The following ADGRB2 variants were observed in gnomAD, a reference collection of about 807,000 sequenced individuals.
ADGRB2 encodes the protein adhesion G protein-coupled receptor B2.
A neutral mutation model predicts 178.7 loss-of-function variants in ADGRB2; 47 were observed. The ratio of observed to expected loss-of-function variants is 0.26; its 90% CI spans 0.21 to 0.34. The LOEUF is 0.34. Ranked by LOEUF, ADGRB2 falls within the 10% of genes least tolerant of loss-of-function variation. The probability of loss-of-function intolerance (pLI) is 1.00; values close to 1 mark genes in which losing one functional copy is unlikely to be tolerated. For missense variants in ADGRB2, 1,584 were observed against 2,180.8 expected, an observed-to-expected ratio of 0.73 and a Z score of 5.45; for synonymous variants, 870 against 912.4, an observed-to-expected ratio of 0.95 and a Z score of 0.84.
rs535003669 is a variant in ADGRB2 at position 31,732,361 on chromosome 1, C to T, written c.3720+156G>A. Among the ~76,000 whole-genome samples the T allele has an allele frequency of 1.3e-5, 2 of 152,386 alleles. 1 individual carries two copies. Among genetic ancestry groups the T allele is most frequent in the South Asian group, 4.1e-4 (2 of 4,832 alleles). ...GAAAACTGAGTGGGGGAAGGACTTG[C>T]CCAATGCCACCCAGGTGTTAGTGGC... is the stretch of plus-strand genomic sequence containing the variant. On this transcript the variant is annotated intron_variant, in intron 27 of 32. Coordinates refer to ENST00000373658, the MANE Select transcript of ADGRB2 (RefSeq NM_001364857.2).
chr1:31,740,106 G>A lies in ADGRB2; in HGVS notation c.2058+4C>T, dbSNP rs750471100. 1.5e-5 allele frequency: 25 copies of A among 1,614,114 alleles called. No individual in the cohort carries two copies. Among genetic ancestry groups the A allele is most frequent in the South Asian group, 9.9e-5 (9 of 91,084 alleles). ...GAGGAGAAGCTGGCAGCTGTGCCCCGCACCTGCTGAGCATCGTCCCACTTC... is the reference window on the plus strand; with the variant it reads ...GAGGAGAAGCTGGCAGCTGTGCCCCACACCTGCTGAGCATCGTCCCACTTC... On this transcript the variant is annotated splice_donor_region_variant and intron_variant, in intron 13 of 32. Coordinates refer to ENST00000373658, the MANE Select transcript of ADGRB2 (RefSeq NM_001364857.2). This position sits in a 1 kb window ranked among gnomAD's most constrained non-coding sequence, Gnocchi z 5.9.
chr1:31,738,347 A>G, intron 17 of ADGRB2, 21 bp from the exon 18 acceptor site: 2 of 1,608,078 alleles, frequency 1.2e-6, no homozygotes, highest in Non-Finnish European at 1.7e-6. Context: ...GGAGAGATTC[A>G]GTGAGCCCCA....
chr1:31,727,416 G>C lies in ADGRB2; in HGVS notation c.*4C>G. 1 of 1,583,530 alleles carries C rather than the reference G, an allele frequency of 6.3e-7. No individual in the cohort carries two copies. The highest frequency in any genetic ancestry group is 1.2e-5 in the South Asian group (1 of 86,262). ...TATATGCAGTGGGCAGTCCAGCGTG[G>C]CACTCACACCTCTGTCTGGAAGTCA... On this transcript the variant is annotated 3_prime_UTR_variant, in exon 33 of 33. Coordinates refer to ENST00000373658, the MANE Select transcript of ADGRB2 (RefSeq NM_001364857.2). This position sits in a 1 kb window ranked among gnomAD's most constrained non-coding sequence, Gnocchi z 4.4.
rs556310772 is a variant in ADGRB2, at chr1:31,735,902, G to A, written c.3201-9C>T. The stretch of plus-strand genomic sequence containing the variant: ...CCAGGGAGAGCCAGCAGCTGGGGTG[G>A]GGGAGAAGAAGGGTGTCAGACACCC... On this transcript the variant is annotated splice_polypyrimidine_tract_variant and intron_variant, in intron 22 of 32. Coordinates refer to ENST00000373658, the MANE Select transcript of ADGRB2 (RefSeq NM_001364857.2). This position sits in a 1 kb window ranked among gnomAD's most constrained non-coding sequence, Gnocchi z 6.0. The A allele has an allele frequency of 2.5e-6, 4 of 1,583,050 alleles. No individual in the cohort carries two copies. The highest frequency in any genetic ancestry group is 1.7e-4 in the Middle Eastern group (1 of 6,012).
chr1:31,731,424 G>C lies in ADGRB2; in HGVS notation c.3761-5C>G, dbSNP rs1489232052. 1 of 1,576,584 alleles carries C rather than the reference G, an allele frequency of 6.3e-7. No individual in the cohort carries two copies. The highest frequency in any genetic ancestry group is 8.6e-7 in the Non-Finnish European group (1 of 1,158,586). On this transcript the variant is annotated splice_polypyrimidine_tract_variant and splice_region_variant and intron_variant, in intron 28 of 32. Transcript: ENST00000373658. Reference sequence around the variant, plus strand: ...TGTTGACCTCCTTGAACAGCACTGGGGGCAGGAGTGGGAGGGAGGGGGTGA... The same window carrying C: ...TGTTGACCTCCTTGAACAGCACTGGCGGCAGGAGTGGGAGGGAGGGGGTGA...
At chr1:31,762,928 G>T (rs1357529993) in intron 1 of ADGRB2, among the ~76,000 whole-genome samples, 1 of 152,190 alleles carries the variant, frequency 6.6e-6, no homozygotes, top group African/African-American at 2.4e-5. Context: ...CAGACCCGTC[G>T]CCTGCTCTGC....
In ADGRB2 at chr1:31,756,288, G is replaced by C. The variant is rs200753542; in HGVS notation, c.549C>G (p.Val183=). ...LAPAALAFRF[V]EVLLINNNNS... is the part of the protein sequence containing the mutation. ...TGTTGTTGTTGATGAGCAAGACCTC[G>C]ACAAAGCGGAAGGCTAGGGCAGCGG... The change falls in exon 4 of 33, where the codon GTC becomes GTG. Residue 183 remains valine (V), a synonymous_variant. Transcript: ENST00000373658. The surrounding 1 kb of genome is among the most constrained non-coding windows in gnomAD (Gnocchi z 8.5). 4.3e-6 allele frequency: 7 copies of C among 1,612,978 alleles called. No homozygotes were observed. In the Admixed American group the frequency reaches 5.0e-5, roughly 12 times the overall value.
Position 31,742,212 on chromosome 1 carries a change from C to T in ADGRB2, c.1258G>A (p.Gly420Ser). ...CAGGGACCCCATTCTAACCACTGGCCTTCCACTGCATGGGGAGACACAAGC... is the reference window on the plus strand; with the variant it reads ...CAGGGACCCCATTCTAACCACTGGCTTTCCACTGCATGGGGAGACACAAGC... ...LCSMAACPVEGQWLEWGPWGP... is the reference protein window; with the variant it reads ...LCSMAACPVESQWLEWGPWGP... Residue 420 changes from glycine (G) to serine (S), a missense_variant, in exon 8 of 33, where the codon GGC becomes AGC. This residue lies in a region of ADGRB2 where 657 missense variants were observed against 847.6 expected (regional missense o/e 0.78). Transcript: ENST00000373658. The T allele has an allele frequency of 6.2e-7, 1 of 1,600,932 alleles. No individual in the cohort carries two copies. Among genetic ancestry groups the T allele is most frequent in the Non-Finnish European group, 8.5e-7 (1 of 1,172,692 alleles).
chr1:31,730,091 G>A (rs1336166151), intron 29 of ADGRB2, among the ~76,000 whole-genome samples: 3 of 152,172 alleles, frequency 2.0e-5, no homozygotes, highest in African/African-American at 7.2e-5. Flanking sequence ...GTTGCAGAAT[G>A]TTCTAGAGTT....
Position 31,738,943 on chromosome 1 carries a change from G to A in ADGRB2, c.2496-6C>T, listed in dbSNP as rs1645782513. 2 of 1,604,056 alleles carry A rather than the reference G, an allele frequency of 1.2e-6. No individual in the cohort carries two copies. Among genetic ancestry groups the A allele is most frequent in the Non-Finnish European group, 1.7e-6 (2 of 1,173,616 alleles). On this transcript the variant is annotated splice_polypyrimidine_tract_variant and splice_region_variant and intron_variant, in intron 15 of 32. Coordinates refer to ENST00000373658, the MANE Select transcript of ADGRB2 (RefSeq NM_001364857.2). ...ATGTGACGGCCAGCGGGGGCCTGCGGGACAGGTACCGAAGTCAGCTCCTGC... is the reference window on the plus strand; with the variant it reads ...ATGTGACGGCCAGCGGGGGCCTGCGAGACAGGTACCGAAGTCAGCTCCTGC...
Position 31,727,623 on chromosome 1 carries a change from G to A in ADGRB2, c.4573-18C>T. 1 of 1,492,080 alleles carries A rather than the reference G, an allele frequency of 6.7e-7. No homozygotes were observed. Among genetic ancestry groups the A allele is most frequent in the South Asian group, 1.4e-5 (1 of 70,480 alleles). 92.4% of individuals were successfully genotyped at this position (1,492,080 alleles called of 1,614,324 possible). On this transcript the variant is annotated intron_variant, in intron 32 of 32. Transcript: ENST00000373658. The surrounding 1 kb of genome is among the most constrained non-coding windows in gnomAD (Gnocchi z 4.4). Reference sequence around the variant, plus strand: ...GGCTTATCCTGTGGAGGGAGCGGGAGGGGCCGTGGAGATGGGCCAATATCC... The same window carrying A: ...GGCTTATCCTGTGGAGGGAGCGGGAAGGGCCGTGGAGATGGGCCAATATCC...
Position 31,733,242 on chromosome 1 carries a change from G to T in ADGRB2, c.3453-99C>A. On this transcript the variant is annotated intron_variant, in intron 25 of 32. Transcript: ENST00000373658. The surrounding 1 kb of genome is among the most constrained non-coding windows in gnomAD (Gnocchi z 4.3). ...CAGCTGGAGCTCTTCAGCTGCCCAA[G>T]ACTGGGAGGGCCCCAAACCCCAGGG... The T allele has an allele frequency of 7.4e-7, 1 of 1,353,308 alleles. No individual in the cohort carries two copies. Among genetic ancestry groups the T allele is most frequent in the South Asian group, 1.4e-5 (1 of 71,696 alleles). 83.8% of individuals were successfully genotyped at this position (1,353,308 alleles called of 1,614,324 possible).
chr1:31,732,871 C>A, intron 26 of ADGRB2, 101 bp downstream of exon 26: 2 of 1,438,402 alleles, frequency 1.4e-6, no homozygotes, highest in Admixed American at 4.7e-5. Context: ...GCCTGGGGCA[C>A]CCTGGTCGGG....
In ADGRB2 at chr1:31,735,562, C is replaced by G. The variant is rs781131307; in HGVS notation, c.3353+18G>C. The G allele has an allele frequency of 1.6e-4, 257 of 1,613,060 alleles. No homozygotes were observed. The highest frequency in any genetic ancestry group is 2.0e-4 in the Non-Finnish European group (237 of 1,179,184). ...CACCATTTCCAGAAAGGCCAAGTCT[C>G]AGAGGCCCCCCCCTTACCCGGCCCT... On this transcript the variant is annotated intron_variant, in intron 24 of 32. Coordinates refer to ENST00000373658, the MANE Select transcript of ADGRB2 (RefSeq NM_001364857.2). This position sits in a 1 kb window ranked among gnomAD's most constrained non-coding sequence, Gnocchi z 6.0.
chr1:31,744,610 G>GC lies in ADGRB2; in HGVS notation c.922+37dup, dbSNP rs1334982425. 7 of 1,606,566 alleles carry GC rather than the reference G, an allele frequency of 4.4e-6. No homozygotes were observed. Among genetic ancestry groups the GC allele is most frequent in the Middle Eastern group, 3.5e-4 (2 of 5,786 alleles). On this transcript the variant is annotated intron_variant, in intron 5 of 32. Coordinates refer to ENST00000373658, the MANE Select transcript of ADGRB2 (RefSeq NM_001364857.2). This position sits in a 1 kb window ranked among gnomAD's most constrained non-coding sequence, Gnocchi z 6.7. ...CACACCACCAGACGCACACAGTCGG[G>GC]CCCCCGCCGCAGAGGAAGGGAGGCG...
intron 1 of ADGRB2, among the ~76,000 whole-genome samples, chr1:31,762,896 C>A (rs1647083965): frequency 6.6e-6 from 1 of 152,118 alleles, no homozygotes; most frequent in South Asian, 2.1e-4. Flanking sequence ...TCGGCCCGGG[C>A]GCCCCTCCCC....
rs774581972 is a variant in ADGRB2, at chr1:31,741,586, AG to A, written c.1687+37del. ...CGCAGAAGGGGGCAATGAGAATGGC[AG>A]GGGTGGTGGTGGTGGGGAAAGCCAC... On this transcript the variant is annotated intron_variant, in intron 10 of 32. Coordinates refer to ENST00000373658, the MANE Select transcript of ADGRB2 (RefSeq NM_001364857.2). The surrounding 1 kb of genome is among the most constrained non-coding windows in gnomAD (Gnocchi z 6.5). The A allele has an allele frequency of 6.2e-7, 1 of 1,606,050 alleles. No individual in the cohort carries two copies. The highest frequency in any genetic ancestry group is 1.1e-5 in the South Asian group (1 of 90,400).
rs1646965106 is a variant in ADGRB2 at position 31,759,173 on chromosome 1, C to G, written c.-190-1662G>C. On this transcript the variant is annotated intron_variant, in intron 1 of 32. Coordinates refer to ENST00000373658, the MANE Select transcript of ADGRB2 (RefSeq NM_001364857.2). This position sits in a 1 kb window ranked among gnomAD's most constrained non-coding sequence, Gnocchi z 4.3. ...CAGGAGTTCTGCATATGAATGGATA[C>G]ATATGTACACGGACATGCACACAGG... 5.6e-6 allele frequency: 4 copies of G among 710,052 alleles called. No individual in the cohort carries two copies. The East Asian group carries it at 9.9e-5, about 18-fold the overall frequency. 44.0% of individuals were successfully genotyped at this position (710,052 alleles called of 1,614,324 possible).
rs747334194 is a variant in ADGRB2, at chr1:31,728,299, C to T, written c.4417-19G>A. 23 of 1,610,758 alleles carry T rather than the reference C, an allele frequency of 1.4e-5. No individual in the cohort carries two copies. The Admixed American group carries it at 3.8e-4, about 27-fold the overall frequency. On this transcript the variant is annotated intron_variant, in intron 30 of 32. Coordinates refer to ENST00000373658, the MANE Select transcript of ADGRB2 (RefSeq NM_001364857.2). This position sits in a 1 kb window ranked among gnomAD's most constrained non-coding sequence, Gnocchi z 6.7. ...TCACCTTCTAGGGGCCACAGGGCAT[C>T]AGAGGGTCGCTCCCCGGGGCAGCAC...
Sources: gnomAD v4.1 joint callset for allele counts (sites outside exome capture counted in the v4.1 genomes callset) on GRCh38, gnomAD v4.1.1 for gene constraint, gnomAD v4.1.1 regional missense constraint, Gnocchi (gnomAD v3.1) non-coding constraint, MANE v1.5 for transcripts, NCBI Gene and HGNC (gene_info 2026-07-23, HGNC 2026-07-21) for gene names.